The following ECE1 variants were observed in gnomAD, a reference collection of about 807,000 sequenced individuals.
ECE1 encodes endothelin-converting enzyme 1.
In ECE1, 35 loss-of-function variants were observed where a neutral mutation model predicts 98.6. That is an observed-to-expected ratio of 0.35 (90% CI 0.27 to 0.47). The LOEUF (loss-of-function observed/expected upper bound fraction) is 0.47, where lower values mean the gene tolerates loss of function less well. ECE1 is among the 20% of genes least tolerant of loss of function. The pLI is 1.00. For synonymous variants in ECE1, 394 were observed against 407.1 expected, an observed-to-expected ratio of 0.97 and a Z score of 0.39; for missense variants, 814 against 1,025.3, an observed-to-expected ratio of 0.79 and a Z score of 2.81.
chr1:21,290,348 G>A lies in ECE1; in HGVS notation c.51+16C>T. 8.1e-7 allele frequency: 1 copy of A among 1,227,032 alleles called. No homozygotes were observed. The highest frequency in any genetic ancestry group is 1.0e-6 in the Non-Finnish European group (1 of 987,652). 76.0% of individuals were successfully genotyped at this position (1,227,032 alleles called of 1,614,324 possible). A position where few individuals can be genotyped will look rare whatever the true frequency, so the allele number is the denominator to read the frequency against. ...CCCGCCTCCCGCCCCCGCCCTCCAG[G>A]CCGCGCCCGCCTCACCCCCAGCGCC... On this transcript the variant is annotated intron_variant, in intron 1 of 18. Transcript: ENST00000374893. The surrounding 1 kb of genome is among the most constrained non-coding windows in gnomAD (Gnocchi z 7.3).
rs929230088 is a variant in ECE1 at position 21,246,718 on chromosome 1, G to A, written c.1163+503C>T. Among the ~76,000 whole-genome samples, 11 of 152,214 alleles carry A rather than the reference G, an allele frequency of 7.2e-5. No individual in the cohort carries two copies. The South Asian group carries it at 1.2e-3, about 17-fold the overall frequency. On this transcript the variant is annotated intron_variant, in intron 9 of 18. Coordinates refer to ENST00000374893, the MANE Select transcript of ECE1 (RefSeq NM_001397.3). ...GTCTCCCACGCTGGAGTGCAACAGT[G>A]CAATCACAGCTCACTACAACCTCTG...
At chr1:21,271,754 C>T (rs1356069356) in intron 4 of ECE1, among the ~76,000 whole-genome samples, 1 of 152,114 alleles carries the variant, frequency 6.6e-6, no homozygotes, top group East Asian at 1.9e-4. Context: ...GAGCTCTAAT[C>T]TGAGGAAAAA....
intron 1 of ECE1, among the ~76,000 whole-genome samples, chr1:21,304,342 A>G (rs1351640096): frequency 6.7e-6 from 1 of 149,998 alleles, no homozygotes; most frequent in Non-Finnish European, 1.5e-5. Flanking sequence ...AAAAAAAAAA[A>G]AGATACGCCA....
chr1:21,254,463 A>C (rs1573971575), intron 8 of ECE1, among the ~76,000 whole-genome samples: 4 of 152,150 alleles, frequency 2.6e-5, no homozygotes, highest in Admixed American at 2.6e-4. Flanking sequence ...AGGCAGGAAA[A>C]GCCTTTCTTC....
rs1396769577 is a variant in ECE1 at position 21,327,005 on chromosome 1, G to A, written c.3+18371C>T. Among the ~76,000 whole-genome samples the A allele has an allele frequency of 6.6e-6, 1 of 152,240 alleles. No individual in the cohort carries two copies. The highest frequency in any genetic ancestry group is 2.4e-5 in the African/African-American group (1 of 41,464). ...TGTGGACTCCGTCAAAGCCTGGGGA[G>A]GGCAGGGTCCTGAGGGCCCTGGTCT... On this transcript the variant is annotated intron_variant, in intron 1 of 18. Coordinates refer to the ECE1 transcript ENST00000415912. This position sits in a 1 kb window ranked among gnomAD's most constrained non-coding sequence, Gnocchi z 4.6.
At chr1:21,268,267 C>CT (rs1236320263) in intron 4 of ECE1, among the ~76,000 whole-genome samples, 1 of 152,218 alleles carries the variant, frequency 6.6e-6, no homozygotes, top group Non-Finnish European at 1.5e-5. Flanking sequence ...AGTCTAAGGG[C>CT]TGAAGGGCCT....
At chr1:21,264,250 C>G (rs1184007138) in intron 4 of ECE1, among the ~76,000 whole-genome samples, 1 of 151,572 alleles carries the variant, frequency 6.6e-6, no homozygotes, top group Non-Finnish European at 1.5e-5. Context: ...TCTGGGGAGT[C>G]TGTAGAGTGC....
Position 21,272,846 on chromosome 1 carries a change from C to T in ECE1, c.346G>A (p.Asp116Asn), listed in dbSNP as rs1186034041. ...SVTSSILSSMDPTVDPCHDFF... is the reference protein window; with the variant it reads ...SVTSSILSSMNPTVDPCHDFF... ...TCATGGCAGGGGTCCACTGTGGGGT[C>T]CATGGAGCTCAAGATGGAGCTGGTC... Residue 116 changes from aspartate to asparagine, a missense_variant, in exon 4 of 19, where the codon GAC (aspartate) becomes AAC (asparagine). By Grantham distance (23) the Asp-to-Asn change is conservative. Around this residue, in one of 3 missense-constraint regions of ECE1, gnomAD observed 257 missense variants for 278.9 expected, o/e 0.92. Transcript: ENST00000374893. 1 of 1,614,230 alleles carries T rather than the reference C, an allele frequency of 6.2e-7. No individual in the cohort carries two copies. The highest frequency in any genetic ancestry group is 8.5e-7 in the Non-Finnish European group (1 of 1,180,046).
At chr1:21,242,565 G>A (rs1035762373) in intron 10 of ECE1, among the ~76,000 whole-genome samples, 3 of 152,186 alleles carry the variant, frequency 2.0e-5, no homozygotes, top group African/African-American at 7.2e-5. Flanking sequence ...AGTGGGGAGG[G>A]CTGGAGATTA....
At chr1:21,314,537 T>C (rs145663965) in intron 1 of ECE1, among the ~76,000 whole-genome samples, 1 of 152,358 alleles carries the variant, frequency 6.6e-6, no homozygotes, top group African/African-American at 2.4e-5. Context: ...CAGAACCTAC[T>C]AGGTATGTCC....
At chr1:21,324,613 TTTCA>T (rs1238354388) in intron 1 of ECE1, among the ~76,000 whole-genome samples, 9 of 151,690 alleles carry the variant, frequency 5.9e-5, no homozygotes, top group Admixed American at 2.0e-4. Flanking sequence ...AAGAGAAACA[TTTCA>T]GGGTTGAAAA....
chr1:21,322,220 A>T lies in ECE1; in HGVS notation c.3+23156T>A, dbSNP rs114592975. On this transcript the variant is annotated intron_variant, in intron 1 of 18. Transcript: ENST00000415912. This position sits in a 1 kb window ranked among gnomAD's most constrained non-coding sequence, Gnocchi z 4.1. The stretch of plus-strand genomic sequence containing the variant: ...AGTGGCAAGGCGGCTTCTCAGTGAG[A>T]TGGAGTGGGGATGGGGGTGTGGATA... Among the ~76,000 whole-genome samples the T allele has an allele frequency of 0.01, 1,555 of 152,246 alleles. 28 individuals carry two copies. Among genetic ancestry groups the T allele is most frequent in the African/African-American group, 0.035 (1,459 of 41,540 alleles).
Position 21,322,750 on chromosome 1 carries a change from A to G in ECE1, c.3+22626T>C, listed in dbSNP as rs1202811562. On this transcript the variant is annotated intron_variant, in intron 1 of 18. Coordinates refer to the ECE1 transcript ENST00000415912. The surrounding 1 kb of genome is among the most constrained non-coding windows in gnomAD (Gnocchi z 4.1). Reference sequence around the variant, plus strand: ...GACAGACAAGGGCCTCTTGTCAGGAAGGACAAGAGGTTCTGATCTAGCACT... The same window carrying G: ...GACAGACAAGGGCCTCTTGTCAGGAGGGACAAGAGGTTCTGATCTAGCACT... Among the ~76,000 whole-genome samples, 1 of 152,204 alleles carries G rather than the reference A, an allele frequency of 6.6e-6. No individual in the cohort carries two copies. Among genetic ancestry groups the G allele is most frequent in the African/African-American group, 2.4e-5 (1 of 41,456 alleles).
At chr1:21,264,840 C>T (rs182513055) in intron 4 of ECE1, among the ~76,000 whole-genome samples, 4 of 152,166 alleles carry the variant, frequency 2.6e-5, no homozygotes, top group East Asian at 1.9e-4. Context: ...ACGGGGTCTG[C>T]GCTCCCACCT....
chr1:21,275,966 C>G (rs191109468), intron 3 of ECE1, among the ~76,000 whole-genome samples: 48 of 149,712 alleles, frequency 3.2e-4, no homozygotes, highest in Admixed American at 1.3e-3. Flanking sequence ...ATATCCTATG[C>G]GTTTTTATAT....
intron 8 of ECE1, among the ~76,000 whole-genome samples, chr1:21,249,142 A>G (rs915789952): frequency 2.0e-5 from 3 of 151,902 alleles, no homozygotes; most frequent in African/African-American, 7.3e-5. Context: ...CAGGAGTTCA[A>G]GACCAGCCTG....
intron 17 of ECE1, among the ~76,000 whole-genome samples, chr1:21,222,841 C>CA (rs888811259): frequency 0.38 from 10,318 of 27,286 alleles, 2,524 homozygotes; most frequent in Non-Finnish European, 0.47. Flanking sequence ...GACCCTGTCT[C>CA]AAAAAAAAAA....
chr1:21,337,954 G>A (rs898797738), intron 1 of ECE1, among the ~76,000 whole-genome samples: 6 of 152,010 alleles, frequency 3.9e-5, no homozygotes, highest in African/African-American at 7.2e-5. Context: ...CTCGCCCCTC[G>A]CCCCCTCCTC....
At chr1:21,326,829 C>T (rs1639089240) in intron 1 of ECE1, among the ~76,000 whole-genome samples, 1 of 152,094 alleles carries the variant, frequency 6.6e-6, no homozygotes, top group African/African-American at 2.4e-5. Flanking sequence ...TGGGGAGACC[C>T]CACTGAGCAC....
Sources: allele counts gnomAD v4.1 joint callset (sites outside exome capture counted in the v4.1 genomes callset), GRCh38; gene constraint gnomAD v4.1.1; regional missense constraint gnomAD v4.1.1; non-coding constraint Gnocchi (gnomAD v3.1); transcripts MANE v1.5; gene names NCBI Gene and HGNC (gene_info 2026-07-23, HGNC 2026-07-21).